Variants in PDE10A observed in about 807,000 individuals in gnomAD.
PDE10A encodes phosphodiesterase 10A.
PDE10A carries 39 observed loss-of-function variants against 97.7 expected under a neutral mutation model. The ratio of observed to expected loss-of-function variants is 0.40; its 90% CI spans 0.31 to 0.52. The LOEUF (loss-of-function observed/expected upper bound fraction) is 0.52, where lower values mean the gene tolerates loss of function less well. Among genes scored for constraint, PDE10A ranks in the 20% least tolerant of loss-of-function variants. The pLI, the probability that PDE10A is intolerant of heterozygous loss-of-function variation, is 0.56. For missense variants in PDE10A, 731 were observed against 1,047.8 expected (o/e 0.70, Z 4.17); for synonymous variants, 371 against 376.8 (o/e 0.98, Z 0.18).
Position 165,600,325 on chromosome 6 carries a change from C to T in PDE10A, c.866-56757G>A, listed in dbSNP as rs145806733. On this transcript the variant is annotated intron_variant, in intron 1 of 21. Transcript: ENST00000539869. ...CCAGCCAGGGCAGGGCTCTGAAGGA[C>T]GATTGTCCAGGAAAATGGAGTGAAT... is the stretch of plus-strand genomic sequence containing the variant. Among the ~76,000 whole-genome samples the T allele has an allele frequency of 2.0e-3, 304 of 152,274 alleles. 2 individuals are homozygous for T. Among genetic ancestry groups the T allele is most frequent in the Non-Finnish European group, 3.1e-3 (214 of 68,022 alleles).
At chr6:165,462,831 A>G (rs1160489537) in intron 3 of PDE10A, among the ~76,000 whole-genome samples, 1 of 152,218 alleles carries the variant, frequency 6.6e-6, no homozygotes, top group Non-Finnish European at 1.5e-5. Flanking sequence ...CTTATTGGGC[A>G]TATTTATCAA....
At chr6:165,463,490 T>C (rs1411821968) in intron 3 of PDE10A, among the ~76,000 whole-genome samples, 5 of 152,158 alleles carry the variant, frequency 3.3e-5, no homozygotes, top group Non-Finnish European at 5.9e-5. Context: ...TAGTAACCCA[T>C]TAATATGGAT....
At chr6:165,419,524 T>G (rs1236321306) in intron 10 of PDE10A, among the ~76,000 whole-genome samples, 4 of 152,222 alleles carry the variant, frequency 2.6e-5, no homozygotes, top group African/African-American at 9.6e-5. Flanking sequence ...GTATTTGAAC[T>G]GATACTAGCT....
At position 165,867,295 on chromosome 6, in the gene PDE10A, G is replaced by C. The variant is rs963510777; in HGVS notation, c.-615+120234C>G. ...AGAAGAAACTCACTTCACCAGTAAA[G>C]ACACACATAGACTGAAAGTGGAGGG... On this transcript the variant is annotated intron_variant, in intron 1 of 19. Transcript: ENST00000366882. Among the ~76,000 whole-genome samples the C allele has an allele frequency of 2.7e-5, 4 of 148,102 alleles. No individual in the cohort carries two copies. The East Asian group carries it at 7.8e-4, about 29-fold the overall frequency.
chr6:165,974,223 T>G (rs549006316), intron 1 of PDE10A, among the ~76,000 whole-genome samples: 1 of 152,342 alleles, frequency 6.6e-6, no homozygotes, highest in East Asian at 1.9e-4. Context: ...TATGTCTCTA[T>G]TCCATCAGAA....
rs959810937 is a variant in PDE10A at position 165,486,895 on chromosome 6, G to A, written c.995-4552C>T. On this transcript the variant is annotated intron_variant, in intron 2 of 21. Transcript: ENST00000539869. ...GCATTCAAAGCCAAAGTGGAATTAC[G>A]AGGGTGACGAGTGAACACTGGGATT... Among the ~76,000 whole-genome samples, 6 of 152,318 alleles carry A rather than the reference G, an allele frequency of 3.9e-5. No individual in the cohort carries two copies. The East Asian group carries it at 7.7e-4, about 20-fold the overall frequency.
chr6:165,373,473 T>C (rs1192959413), intron 18 of PDE10A, among the ~76,000 whole-genome samples: 1 of 152,020 alleles, frequency 6.6e-6, no homozygotes, highest in Non-Finnish European at 1.5e-5. Flanking sequence ...AAAAGACACA[T>C]GAAAAAATGC....
chr6:165,721,008 GTAAA>G (rs1033586873), intron 1 of PDE10A, among the ~76,000 whole-genome samples: 2 of 152,218 alleles, frequency 1.3e-5, no homozygotes, highest in African/African-American at 2.4e-5. Flanking sequence ...AAAGTTATGT[GTAAA>G]TAGTGTTAGG....
intron 1 of PDE10A, among the ~76,000 whole-genome samples, chr6:165,646,813 G>A (rs1444540797): frequency 6.6e-6 from 1 of 152,208 alleles, no homozygotes; most frequent in African/African-American, 2.4e-5. Context: ...ATGACCTACT[G>A]AGAGACAGAA....
At chr6:165,648,863 G>T (rs181123042) in intron 1 of PDE10A, among the ~76,000 whole-genome samples, 1 of 152,184 alleles carries the variant, frequency 6.6e-6, no homozygotes, top group South Asian at 2.1e-4. Flanking sequence ...AAGGCATTCC[G>T]GGTGGCTTGC....
rs1337184229 is a variant in PDE10A at position 165,711,849 on chromosome 6, G to T, written c.-614-168281C>A. The stretch of plus-strand genomic sequence containing the variant: ...TGTAAAATGCTTTAGCATAAACAGC[G>T]GGATGTAGGAGTGTGTTGGTTGGTT... On this transcript the variant is annotated intron_variant, in intron 1 of 19. Transcript: ENST00000366882. The surrounding 1 kb of genome is among the most constrained non-coding windows in gnomAD (Gnocchi z 4.5). Among the ~76,000 whole-genome samples, 1 of 152,160 alleles carries T rather than the reference G, an allele frequency of 6.6e-6. No individual in the cohort carries two copies. The highest frequency in any genetic ancestry group is 1.5e-5 in the Non-Finnish European group (1 of 68,026).
intron 2 of PDE10A, among the ~76,000 whole-genome samples, chr6:165,520,279 A>G (rs1782054497): frequency 6.6e-6 from 1 of 152,176 alleles, no homozygotes; most frequent in Non-Finnish European, 1.5e-5. Context: ...TGTGATCTGA[A>G]AATTGTTTTA....
intron 6 of PDE10A, among the ~76,000 whole-genome samples, chr6:165,434,791 A>AAATCC (rs1405886295): frequency 2.0e-5 from 3 of 152,206 alleles, no homozygotes; most frequent in Non-Finnish European, 4.4e-5. Context: ...ACGCATAGGC[A>AAATCC]AATCCAACTG....
At chr6:165,733,435 C>T (rs1244318641) in intron 1 of PDE10A, among the ~76,000 whole-genome samples, 2 of 152,120 alleles carry the variant, frequency 1.3e-5, no homozygotes, top group Non-Finnish European at 2.9e-5. Flanking sequence ...TTGAGCTGCC[C>T]GGTCTTCATT....
intron 1 of PDE10A, among the ~76,000 whole-genome samples, chr6:165,828,925 C>A (rs914189199): frequency 1.1e-4 from 16 of 152,294 alleles, no homozygotes; most frequent in Admixed American, 9.1e-4. Context: ...AACACGGCAG[C>A]GTTAATGAAA....
rs369267174 is a variant in PDE10A at position 165,352,493 on chromosome 6, T to C, written c.2784-8991A>G. Among the ~76,000 whole-genome samples the C allele has an allele frequency of 2.0e-5, 3 of 152,270 alleles. No homozygotes were observed. In the East Asian group the frequency reaches 5.8e-4, roughly 29 times the overall value. ...AAGAAATATTACCATATATTAGCTA[T>C]AAAGTTTCAAGCAATATCAGATAAA... is the stretch of plus-strand genomic sequence containing the variant. On this transcript the variant is annotated intron_variant, in intron 18 of 21. Coordinates refer to ENST00000539869, the MANE Select transcript of PDE10A (RefSeq NM_001385079.1).
chr6:165,892,650 T>G (rs867500884), intron 1 of PDE10A, among the ~76,000 whole-genome samples: 1 of 152,154 alleles, frequency 6.6e-6, no homozygotes, highest in African/African-American at 2.4e-5. Flanking sequence ...CTGTCCCCTG[T>G]GAGTGGCCGT....
chr6:165,535,138 A>G (rs749453018), intron 2 of PDE10A, among the ~76,000 whole-genome samples: 1 of 151,998 alleles, frequency 6.6e-6, no homozygotes, highest in African/African-American at 2.4e-5. Flanking sequence ...TAGCATTTCT[A>G]TATGTCGAAA....
chr6:165,362,579 TAAC>T (rs747516358), intron 18 of PDE10A, among the ~76,000 whole-genome samples: 12 of 151,998 alleles, frequency 7.9e-5, no homozygotes, highest in Non-Finnish European at 1.3e-4. Flanking sequence ...AAGGGAAAAA[TAAC>T]AACCACAAAG....
Sources: allele counts gnomAD v4.1 joint callset (sites outside exome capture counted in the v4.1 genomes callset), GRCh38; gene constraint gnomAD v4.1.1; non-coding constraint Gnocchi (gnomAD v3.1); transcripts MANE v1.5; gene names NCBI Gene and HGNC (gene_info 2026-07-23, HGNC 2026-07-21).